The following GRID2 variants were observed in gnomAD, a reference collection of about 807,000 sequenced individuals.
GRID2 encodes the protein glutamate receptor ionotropic, delta-2.
Under a neutral mutation model 114.8 loss-of-function variants are expected in GRID2, and 33 were observed. The observed-to-expected ratio is 0.29, with a 90% CI of 0.22 to 0.38. The LOEUF (loss-of-function observed/expected upper bound fraction) is 0.38. Among genes scored for constraint, GRID2 ranks in the 10% least tolerant of loss-of-function variants. GRID2 has a pLI of 1.00. For synonymous variants in GRID2, 505 were observed against 449.9 expected, an observed-to-expected ratio of 1.12 and a Z score of -1.55; for missense variants, 1,184 against 1,257.7, an observed-to-expected ratio of 0.94 and a Z score of 0.89.
intron 1 of GRID2, among the ~76,000 whole-genome samples, chr4:92,513,067 G>T (rs1724334136): frequency 6.6e-6 from 1 of 151,810 alleles, no homozygotes. Context: ...ACATTTGCAA[G>T]ATTTTTATAG....
chr4:92,653,463 C>T (rs1333806149), intron 2 of GRID2, among the ~76,000 whole-genome samples: 1 of 151,656 alleles, frequency 6.6e-6, no homozygotes, highest in Non-Finnish European at 1.5e-5. Flanking sequence ...ATATGGTAAA[C>T]TTCTGTACCA....
rs1299258984 is a variant in GRID2, at chr4:93,532,974, T to A, written c.2193+17563T>A. 2.6e-5 allele frequency among the ~76,000 whole-genome samples: 4 copies of A among 152,282 alleles called. No individual in the cohort carries two copies. The East Asian group carries it at 7.7e-4, about 29-fold the overall frequency. On this transcript the variant is annotated intron_variant, in intron 13 of 15. Coordinates refer to ENST00000282020, the MANE Select transcript of GRID2 (RefSeq NM_001510.4). ...AATTGCTTTAAGTTTTGTCTTGGTGTTTGTCTACTAATGTGCACATTTTTT... is the reference window on the plus strand; with the variant it reads ...AATTGCTTTAAGTTTTGTCTTGGTGATTGTCTACTAATGTGCACATTTTTT...
intron 1 of GRID2, among the ~76,000 whole-genome samples, chr4:92,352,741 C>T (rs1293929127): frequency 6.6e-6 from 1 of 151,820 alleles, no homozygotes; most frequent in Non-Finnish European, 1.5e-5. Context: ...AGTCTTTTGC[C>T]TATACTTTAA....
intron 5 of GRID2, among the ~76,000 whole-genome samples, chr4:93,209,494 C>A (rs1476857865): frequency 6.6e-6 from 1 of 152,024 alleles, no homozygotes; most frequent in Admixed American, 6.6e-5. Flanking sequence ...ATCCAGTGTA[C>A]TGTTGGTGGG....
chr4:93,517,491 T>C (rs1729851778), intron 13 of GRID2, among the ~76,000 whole-genome samples: 1 of 152,012 alleles, frequency 6.6e-6, no homozygotes, highest in African/African-American at 2.4e-5. Context: ...ATAGAAAATA[T>C]CTAAGTGAAA....
At chr4:92,423,549 T>C (rs1732007244) in intron 1 of GRID2, among the ~76,000 whole-genome samples, 1 of 152,020 alleles carries the variant, frequency 6.6e-6, no homozygotes, top group African/African-American at 2.4e-5. Flanking sequence ...AGAGAAGTGA[T>C]ATTCTTGTGG....
intron 2 of GRID2, among the ~76,000 whole-genome samples, chr4:92,974,499 T>C (rs182502952): frequency 6.6e-6 from 1 of 152,086 alleles, no homozygotes; most frequent in East Asian, 1.9e-4. Flanking sequence ...ATGGAATACT[T>C]TGCAGCCATA....
intron 2 of GRID2, among the ~76,000 whole-genome samples, chr4:92,995,193 A>G (rs1051011067): frequency 3.3e-5 from 5 of 152,148 alleles, no homozygotes; most frequent in African/African-American, 1.2e-4. Context: ...TTTTATGCTT[A>G]TCAGTAGAGG....
intron 1 of GRID2, among the ~76,000 whole-genome samples, chr4:92,460,592 T>C (rs1362252529): frequency 6.6e-6 from 1 of 152,170 alleles, no homozygotes; most frequent in African/African-American, 2.4e-5. Context: ...GTTGTTTTCC[T>C]TTCTGTCTTG....
chr4:92,433,027 T>A (rs1732542561), intron 1 of GRID2, among the ~76,000 whole-genome samples: 1 of 152,100 alleles, frequency 6.6e-6, no homozygotes, highest in African/African-American at 2.4e-5. Flanking sequence ...TCAGGGTGTG[T>A]CTAGAAGTAT....
intron 1 of GRID2, among the ~76,000 whole-genome samples, chr4:92,542,048 T>C (rs1047972774): frequency 6.6e-6 from 1 of 152,156 alleles, no homozygotes; most frequent in Admixed American, 6.6e-5. Flanking sequence ...AAAGGCCATA[T>C]CACAATGTAA....
intron 2 of GRID2, among the ~76,000 whole-genome samples, chr4:92,976,512 C>A (rs943095069): frequency 6.6e-6 from 1 of 151,908 alleles, no homozygotes; most frequent in Non-Finnish European, 1.5e-5. Context: ...TATATATACC[C>A]TTTTATGATC....
At chr4:93,477,874 C>G (rs1725472589) in intron 11 of GRID2, among the ~76,000 whole-genome samples, 1 of 152,052 alleles carries the variant, frequency 6.6e-6, no homozygotes, top group Non-Finnish European at 1.5e-5. Context: ...TGCCACTATG[C>G]TTGGAGACAG....
Position 92,935,538 on chromosome 4 carries a change from T to G in GRID2, c.245-149457T>G, listed in dbSNP as rs372081325. ...GACCCAGCCATCCCATTACTGGGTA[T>G]ATACCCAAAGGACTATAAATCATGC... is the stretch of plus-strand genomic sequence containing the variant. On this transcript the variant is annotated intron_variant, in intron 2 of 15. Coordinates refer to ENST00000282020, the MANE Select transcript of GRID2 (RefSeq NM_001510.4). 5.4e-4 allele frequency among the ~76,000 whole-genome samples: 80 copies of G among 146,966 alleles called. 8 individuals carry two copies. The South Asian group carries it at 0.016, about 30-fold the overall frequency.
intron 4 of GRID2, among the ~76,000 whole-genome samples, chr4:93,191,307 G>C (rs1740960518): frequency 6.6e-6 from 1 of 151,982 alleles, no homozygotes; most frequent in South Asian, 2.1e-4. Flanking sequence ...TTGCTTTCCT[G>C]CTTCTTACTA....
chr4:92,914,034 A>G (rs1344221490), intron 2 of GRID2, among the ~76,000 whole-genome samples: 1 of 152,142 alleles, frequency 6.6e-6, no homozygotes, highest in African/African-American at 2.4e-5. Context: ...AATATATTGT[A>G]GTTAATATAC....
Position 93,624,438 on chromosome 4 carries a change from G to A in GRID2, c.2194-1831G>A, listed in dbSNP as rs74421379. Among the ~76,000 whole-genome samples, 959 of 152,234 alleles carry A rather than the reference G, an allele frequency of 6.3e-3. 14 individuals carry two copies. Among genetic ancestry groups the A allele is most frequent in the African/African-American group, 0.021 (888 of 41,562 alleles). Reference sequence around the variant, plus strand: ...TAATGGCAATGCAAAGAGAGTTTAAGCTTGTAATAGGCTTGCTGTTGTTTG... The same window carrying A: ...TAATGGCAATGCAAAGAGAGTTTAAACTTGTAATAGGCTTGCTGTTGTTTG... On this transcript the variant is annotated intron_variant, in intron 13 of 15. Coordinates refer to ENST00000282020, the MANE Select transcript of GRID2 (RefSeq NM_001510.4).
chr4:92,606,123 A>G (rs1729438053), intron 2 of GRID2, among the ~76,000 whole-genome samples: 1 of 152,096 alleles, frequency 6.6e-6, no homozygotes, highest in African/African-American at 2.4e-5. Context: ...TCACAGAGAT[A>G]TATTATTGAA....
At chr4:93,621,037 G>C (rs1742176471) in intron 13 of GRID2, among the ~76,000 whole-genome samples, 1 of 152,162 alleles carries the variant, frequency 6.6e-6, no homozygotes, top group Non-Finnish European at 1.5e-5. Flanking sequence ...GTTGTAAGCA[G>C]CTTGATGATG....
Sources: gnomAD v4.1 joint callset for allele counts (sites outside exome capture counted in the v4.1 genomes callset) on GRCh38, gnomAD v4.1.1 for gene constraint, MANE v1.5 for transcripts, NCBI Gene and HGNC (gene_info 2026-07-23, HGNC 2026-07-21) for gene names.